The following ITGAX variants were observed in gnomAD, a reference collection of about 807,000 sequenced individuals.
ITGAX encodes integrin alpha-X.
Under a neutral mutation model 140.2 loss-of-function variants are expected in ITGAX, and 99 were observed. The observed-to-expected ratio is 0.71, with a 90% CI of 0.60 to 0.83. The LOEUF (loss-of-function observed/expected upper bound fraction) is 0.83, where lower values mean the gene tolerates loss of function less well. Ranked by LOEUF, ITGAX falls within the 40% of genes least tolerant of loss-of-function variation. The pLI, the probability that ITGAX is intolerant of heterozygous loss-of-function variation, is 0.00. For missense variants in ITGAX, 1,444 were observed against 1,482.0 expected, an observed-to-expected ratio of 0.97 and a Z score of 0.42; for synonymous variants, 631 against 600.4, an observed-to-expected ratio of 1.05 and a Z score of -0.75.
At position 31,359,926 on chromosome 16, in the gene ITGAX, C is replaced by T. The variant is rs779632742; in HGVS notation, c.568C>T (p.Leu190=). The T allele has an allele frequency of 3.1e-6, 5 of 1,614,026 alleles. No homozygotes were observed. The highest frequency in any genetic ancestry group is 2.7e-5 in the African/African-American group (2 of 74,908). ...QFQRPSTQFS[L]MQFSNKFQTH... ...CCCTGTGTGCTTCTCCCAGTTTTCC[C>T]TGATGCAGTTCTCCAACAAATTCCA... is the stretch of plus-strand genomic sequence containing the variant. Residue 190 remains leucine, a synonymous_variant, in exon 7 of 30, where the codon CTG becomes TTG. Transcript: ENST00000268296.
At chr16:31,355,813 G>T in intron 1 of ITGAX, 80 bp from the exon 2 acceptor site, 1 of 1,093,018 alleles carries the variant, frequency 9.1e-7, no homozygotes. Flanking sequence ...GGGGAGATTG[G>T]GACGCTGGGG....
intron 20 of ITGAX, among the ~76,000 whole-genome samples, chr16:31,375,523 A>G (rs1291580026): frequency 1.3e-5 from 2 of 152,276 alleles, no homozygotes; most frequent in Non-Finnish European, 2.9e-5. Flanking sequence ...AGACAAAGAC[A>G]CACTCTATAG....
chr16:31,362,137 C>T lies in ITGAX; in HGVS notation c.1149C>T (p.Pro383=). Residue 383 remains proline (P), a synonymous_variant, in exon 11 of 30, where the codon CCC becomes CCT. Transcript: ENST00000268296. ...FTWSGGAFLY[P]PNMSPTFINM... The stretch of plus-strand genomic sequence containing the variant: ...GGTCTGGAGGTGCCTTCCTGTACCC[C>T]CCAAATATGAGCCCTACCTTCATCA... The T allele has an allele frequency of 6.2e-7, 1 of 1,614,112 alleles. No homozygotes were observed. Among genetic ancestry groups the T allele is most frequent in the Non-Finnish European group, 8.5e-7 (1 of 1,180,012 alleles).
In ITGAX at chr16:31,382,088, A is replaced by G. The variant is rs2081074099; in HGVS notation, c.*181A>G. Reference sequence around the variant, plus strand: ...GGGCCTTTGTCTTGTCAAGGTTCCAACTGGAAACCCTTAGGACAGGGTCCC... The same window carrying G: ...GGGCCTTTGTCTTGTCAAGGTTCCAGCTGGAAACCCTTAGGACAGGGTCCC... On this transcript the variant is annotated 3_prime_UTR_variant, in exon 30 of 30. Transcript: ENST00000268296. The G allele has an allele frequency of 2.8e-6, 4 of 1,433,946 alleles. No individual in the cohort carries two copies. Among genetic ancestry groups the G allele is most frequent in the African/African-American group, 2.9e-5 (2 of 69,590 alleles). The allele number at this position is 1,433,946 out of a possible 1,614,324, so 88.8% of individuals were successfully genotyped here.
At chr16:31,379,497 A>G in intron 23 of ITGAX, 71 bp from the exon 24 acceptor site, 1 of 1,437,186 alleles carries the variant, frequency 7.0e-7, no homozygotes, top group Non-Finnish European at 9.6e-7. Context: ...CTGTCCTCTC[A>G]TGCTCTAGCC....
chr16:31,356,235 C>G (rs186137354), intron 2 of ITGAX: 1 of 494,840 alleles, frequency 2.0e-6, no homozygotes, highest in African/African-American at 1.9e-5. Context: ...CACACGACAG[C>G]CTGTGAGTAG....
chr16:31,379,977 C>T lies in ITGAX; in HGVS notation c.2977-5C>T, dbSNP rs768578004. On this transcript the variant is annotated splice_polypyrimidine_tract_variant and splice_region_variant and intron_variant, in intron 25 of 29. Coordinates refer to ENST00000268296, the MANE Select transcript of ITGAX (RefSeq NM_000887.5). ...GAGACACTTGTTCTCTGCATTTTCCCCCAGAACCCATCCCTTCGGTGCTCC... is the reference window on the plus strand; with the variant it reads ...GAGACACTTGTTCTCTGCATTTTCCTCCAGAACCCATCCCTTCGGTGCTCC... 52 of 1,613,936 alleles carry T rather than the reference C, an allele frequency of 3.2e-5. No individual in the cohort carries two copies. The highest frequency in any genetic ancestry group is 4.3e-5 in the Non-Finnish European group (51 of 1,179,884).
At chr16:31,368,497 CAA>C (rs34411912) in intron 14 of ITGAX, among the ~76,000 whole-genome samples, 2 of 125,412 alleles carry the variant, frequency 1.6e-5, no homozygotes, top group Non-Finnish European at 3.2e-5. Context: ...AAGTGTGTCT[CAA>C]AAAAAAAAAA....
At chr16:31,372,167 G>GT (rs990501651) in intron 17 of ITGAX, among the ~76,000 whole-genome samples, 2 of 138,836 alleles carry the variant, frequency 1.4e-5, no homozygotes, top group African/African-American at 6.3e-5. Context: ...GGGAGGTCTG[G>GT]GGGGGGGGAG....
intron 3 of ITGAX, 26 bp from the exon 4 acceptor site, chr16:31,357,005 G>A: frequency 6.3e-7 from 1 of 1,584,362 alleles, no homozygotes; most frequent in South Asian, 1.1e-5. Flanking sequence ...CCCCGAGAGT[G>A]ACCATGCACA....
At chr16:31,370,384 C>T (rs1400785216) in intron 14 of ITGAX, among the ~76,000 whole-genome samples, 1 of 152,130 alleles carries the variant, frequency 6.6e-6, no homozygotes, top group East Asian at 1.9e-4. Flanking sequence ...GAGGCAGTGC[C>T]TGGGAGGGTG....
rs201176761 is a variant in ITGAX at position 31,372,365 on chromosome 16, G to A, written c.2161-13G>A. 3.1e-3 allele frequency: 4,949 copies of A among 1,590,564 alleles called. 11 individuals are homozygous for A. The highest frequency in any genetic ancestry group is 4.0e-3 in the Non-Finnish European group (4,640 of 1,174,134). The stretch of plus-strand genomic sequence containing the variant: ...CCCCTTACCCTCCGCTCCCCGCGAC[G>A]CCCGTCCCCCAGAGCTGCGTGGAGG... On this transcript the variant is annotated splice_polypyrimidine_tract_variant and intron_variant, in intron 17 of 29. Coordinates refer to ENST00000268296, the MANE Select transcript of ITGAX (RefSeq NM_000887.5).
At chr16:31,356,858 C>T (rs1042618694) in intron 3 of ITGAX, 130 bp downstream of exon 3, 2 of 824,040 alleles carry the variant, frequency 2.4e-6, no homozygotes, top group African/African-American at 3.4e-5. Context: ...AGATATGCTT[C>T]CTGGCCCCTT....
intron 14 of ITGAX, among the ~76,000 whole-genome samples, chr16:31,366,662 G>A (rs2080895805): frequency 6.6e-6 from 1 of 152,144 alleles, no homozygotes; most frequent in Non-Finnish European, 1.5e-5. Context: ...ATTACAGGTG[G>A]GTGCCACCAT....
Position 31,380,151 on chromosome 16 carries a change from C to T in ITGAX, c.3060+86C>T. The stretch of plus-strand genomic sequence containing the variant: ...GAGTTCATGTTCCATATCCATCCTG[C>T]TGAAGTACCCTCTTGCATTCGGATA... On this transcript the variant is annotated intron_variant, in intron 26 of 29. Transcript: ENST00000268296. 2.6e-6 allele frequency: 4 copies of T among 1,529,692 alleles called. No individual in the cohort carries two copies. The South Asian group carries it at 4.5e-5, about 17-fold the overall frequency. 94.8% of individuals were successfully genotyped at this position (1,529,692 alleles called of 1,614,324 possible).
At chr16:31,379,700 G>C in intron 24 of ITGAX, 54 bp downstream of exon 24, 1 of 1,587,730 alleles carries the variant, frequency 6.3e-7, no homozygotes, top group East Asian at 2.3e-5. Context: ...GGGAGCCGGA[G>C]ACTGGGGAGG....
chr16:31,372,544 C>T, intron 18 of ITGAX, 35 bp downstream of exon 18: 1 of 1,613,402 alleles, frequency 6.2e-7, no homozygotes, highest in Non-Finnish European at 8.5e-7. Context: ...AGAGAGGGTG[C>T]ACAGCGTGGG....
Position 31,359,753 on chromosome 16 carries a change from AT to A in ITGAX, c.485del (p.Ile162ThrfsTer9). 1 of 1,614,184 alleles carries A rather than the reference AT, an allele frequency of 6.2e-7. No individual in the cohort carries two copies. Among genetic ancestry groups the A allele is most frequent in the Non-Finnish European group, 8.5e-7 (1 of 1,180,036 alleles). On this transcript the variant is annotated frameshift_variant, in exon 6 of 30. Transcript: ENST00000268296. LOFTEE classifies it high-confidence loss of function. The part of the protein sequence containing the change: ...IVFLIDGSGS[I>X]SSRNFATMMN... ...GTTCCTGATCGATGGCTCAGGCAGC[AT>A]CTCCTCCCGCAACTTTGCCACGATG...
chr16:31,377,306 C>A, intron 23 of ITGAX, 41 bp downstream of exon 23: 4 of 1,409,752 alleles, frequency 2.8e-6, no homozygotes, highest in South Asian at 1.2e-5. Flanking sequence ...GTTCTTCTCT[C>A]TGACCTCAAA....
Sources: allele counts gnomAD v4.1 joint callset (sites outside exome capture counted in the v4.1 genomes callset), GRCh38; gene constraint gnomAD v4.1.1; transcripts MANE v1.5; gene names NCBI Gene and HGNC (gene_info 2026-07-23, HGNC 2026-07-21).